The following TRAPPC10 variants were observed in gnomAD, a reference collection of about 807,000 sequenced individuals.
The protein encoded by TRAPPC10 is trafficking protein particle complex subunit 10.
TRAPPC10 carries 23 observed loss-of-function variants against 125.5 expected under a neutral mutation model. The ratio of observed to expected loss-of-function variants is 0.18; its 90% CI spans 0.13 to 0.26. The LOEUF (loss-of-function observed/expected upper bound fraction) is 0.26, where lower values mean the gene tolerates loss of function less well. Among genes scored for constraint, TRAPPC10 ranks in the 10% least tolerant of loss-of-function variants. The pLI, the probability that TRAPPC10 is intolerant of heterozygous loss-of-function variation, is 1.00. For missense variants in TRAPPC10, 1,123 were observed against 1,308.4 expected (o/e 0.86, Z 2.19); for synonymous variants, 509 against 518.0 (o/e 0.98, Z 0.24).
intron 1 of TRAPPC10, among the ~76,000 whole-genome samples, chr21:44,022,778 A>C (rs1186853586): frequency 6.6e-6 from 1 of 150,798 alleles, no homozygotes; most frequent in Admixed American, 6.6e-5. Context: ...TTTTCTTTAT[A>C]ACTTGATGAA....
At chr21:44,064,328 TGTGTGTGTGTGA>T (rs2036279112) in intron 7 of TRAPPC10, among the ~76,000 whole-genome samples, 3 of 118,596 alleles carry the variant, frequency 2.5e-5, no homozygotes, top group Admixed American at 8.3e-5. Flanking sequence ...TGTGTGTGTG[TGTGTGTGTGTGA>T]GTGTGAGAAT....
chr21:44,077,832 C>T (rs369201029), intron 11 of TRAPPC10, 48 bp downstream of exon 11: 14 of 1,409,178 alleles, frequency 9.9e-6, no homozygotes, highest in East Asian at 4.7e-5. Context: ...ACAAATAACA[C>T]GAGAAGATTT....
At chr21:44,024,076 G>T (rs900821227) in intron 1 of TRAPPC10, among the ~76,000 whole-genome samples, 3 of 152,204 alleles carry the variant, frequency 2.0e-5, no homozygotes, top group African/African-American at 4.8e-5. Flanking sequence ...GTGAGCCACC[G>T]CACCAGCCTA....
At position 44,089,619 on chromosome 21, in the gene TRAPPC10, G is replaced by A. The variant is rs145857011; in HGVS notation, c.2770-214G>A. On this transcript the variant is annotated intron_variant, in intron 17 of 22. Transcript: ENST00000291574. Reference sequence around the variant, plus strand: ...TGTGTGCATGTCTTGCCAGTTCTGCGTTCGTTTCTCTTGTCTGTATGCATA... The same window carrying A: ...TGTGTGCATGTCTTGCCAGTTCTGCATTCGTTTCTCTTGTCTGTATGCATA... 366 of 582,008 alleles carry A rather than the reference G, an allele frequency of 6.3e-4. 2 individuals are homozygous for A. The highest frequency in any genetic ancestry group is 5.7e-3 in the African/African-American group (309 of 54,250). The allele number at this position is 582,008 out of a possible 1,614,324, so 36.1% of individuals were successfully genotyped here. A position where few individuals can be genotyped will look rare whatever the true frequency, so the allele number is the denominator to read the frequency against.
intron 13 of TRAPPC10, among the ~76,000 whole-genome samples, chr21:44,081,181 A>T (rs1446603329): frequency 6.6e-6 from 1 of 150,552 alleles, no homozygotes. Flanking sequence ...ACACCCAGCT[A>T]TTTTTTTTCT....
At chr21:44,029,735 G>T (rs936732628) in intron 1 of TRAPPC10, among the ~76,000 whole-genome samples, 16 of 152,186 alleles carry the variant, frequency 1.1e-4, no homozygotes, top group African/African-American at 3.9e-4. Context: ...GCCTTCCTGC[G>T]TTCCTTCTGT....
At chr21:44,046,890 C>T (rs926524252) in intron 3 of TRAPPC10, 18 of 816,422 alleles carry the variant, frequency 2.2e-5, no homozygotes, top group East Asian at 1.4e-4. Flanking sequence ...TTGTACACAG[C>T]GGCAGTCGCG....
At chr21:44,030,421 G>A (rs931528722) in intron 1 of TRAPPC10, among the ~76,000 whole-genome samples, 1 of 152,064 alleles carries the variant, frequency 6.6e-6, no homozygotes, top group African/African-American at 2.4e-5. Context: ...AGAAACCAGA[G>A]GCTAACTAAA....
intron 3 of TRAPPC10, among the ~76,000 whole-genome samples, chr21:44,044,442 T>C (rs1272321122): frequency 6.6e-6 from 1 of 152,092 alleles, no homozygotes; most frequent in Non-Finnish European, 1.5e-5. Context: ...ATAGAGTACA[T>C]CTGTAACAGC....
Position 44,017,158 on chromosome 21 carries a change from A to G in TRAPPC10, c.67+4598A>G, listed in dbSNP as rs189369549. On this transcript the variant is annotated intron_variant, in intron 1 of 22. Coordinates refer to ENST00000291574, the MANE Select transcript of TRAPPC10 (RefSeq NM_003274.5). The stretch of plus-strand genomic sequence containing the variant: ...AACCAAAGATTGAAAAGTAGGAGAA[A>G]CATTCTTCTTAGGAAATCGCAGTTG... Among the ~76,000 whole-genome samples the G allele has an allele frequency of 1.5e-3, 230 of 152,342 alleles. 1 individual carries two copies. Among genetic ancestry groups the G allele is most frequent in the African/African-American group, 4.8e-3 (199 of 41,570 alleles).
At position 44,063,444 on chromosome 21, in the gene TRAPPC10, G is replaced by C. The variant is rs2036202074; in HGVS notation, c.791-94G>C. 1.3e-6 allele frequency: 2 copies of C among 1,529,768 alleles called. No individual in the cohort carries two copies. The highest frequency in any genetic ancestry group is 2.5e-5 in the South Asian group (2 of 79,624). The allele number at this position is 1,529,768 out of a possible 1,614,324, so 94.8% of individuals were successfully genotyped here. On this transcript the variant is annotated intron_variant, in intron 6 of 22. Coordinates refer to ENST00000291574, the MANE Select transcript of TRAPPC10 (RefSeq NM_003274.5). This position sits in a 1 kb window ranked among gnomAD's most constrained non-coding sequence, Gnocchi z 4.4. ...TGTTCATAGAAAAACTGGTTATGAA[G>C]CTGCCTGTTTGCCCACCATCCTCAG...
At chr21:44,018,719 G>A (rs1262292028) in intron 1 of TRAPPC10, among the ~76,000 whole-genome samples, 2 of 151,910 alleles carry the variant, frequency 1.3e-5, no homozygotes, top group Non-Finnish European at 2.9e-5. Flanking sequence ...AGTATGTCGG[G>A]CATAACACAT....
At chr21:44,016,933 G>C (rs1325428614) in intron 1 of TRAPPC10, among the ~76,000 whole-genome samples, 1 of 152,196 alleles carries the variant, frequency 6.6e-6, no homozygotes, top group African/African-American at 2.4e-5. Flanking sequence ...GGGATTATAG[G>C]CATGAGCCAC....
chr21:44,048,228 C>T (rs1375934850), intron 3 of TRAPPC10, among the ~76,000 whole-genome samples: 2 of 152,192 alleles, frequency 1.3e-5, no homozygotes, highest in African/African-American at 2.4e-5. Flanking sequence ...CCTCTCCTCT[C>T]CTAACACAGT....
chr21:44,069,650 G>A (rs971978994), intron 7 of TRAPPC10, among the ~76,000 whole-genome samples: 1 of 152,164 alleles, frequency 6.6e-6, no homozygotes, highest in African/African-American at 2.4e-5. Flanking sequence ...CACCCCTGGT[G>A]TGTACAGATA....
At position 44,032,088 on chromosome 21, in the gene TRAPPC10, T is replaced by C; in HGVS notation, c.68-3T>C. 1 of 1,611,606 alleles carries C rather than the reference T, an allele frequency of 6.2e-7. No individual in the cohort carries two copies. The highest frequency in any genetic ancestry group is 8.5e-7 in the Non-Finnish European group (1 of 1,178,776). On this transcript the variant is annotated splice_polypyrimidine_tract_variant and splice_region_variant and intron_variant, in intron 1 of 22. Coordinates refer to ENST00000291574, the MANE Select transcript of TRAPPC10 (RefSeq NM_003274.5). ...TAACTGAATTTCTTTCTTCCCTTCA[T>C]AGGTGCTGGAGATCAGAATTTATTT... is the stretch of plus-strand genomic sequence containing the variant.
intron 1 of TRAPPC10, among the ~76,000 whole-genome samples, chr21:44,025,833 TGTGTGTG>T (rs2033002559): frequency 1.8e-5 from 1 of 54,718 alleles, no homozygotes; most frequent in Non-Finnish European, 3.3e-5. Context: ...TGTGTGTGTG[TGTGTGTG>T]TGTGTGTGTG....
At chr21:44,021,486 A>G (rs1009101236) in intron 1 of TRAPPC10, among the ~76,000 whole-genome samples, 2 of 152,236 alleles carry the variant, frequency 1.3e-5, no homozygotes, top group African/African-American at 4.8e-5. Context: ...CAAAGTAGAC[A>G]GAATATTATA....
intron 17 of TRAPPC10, 175 bp from the exon 18 acceptor site, chr21:44,089,658 C>G: frequency 1.6e-6 from 1 of 628,386 alleles, no homozygotes; most frequent in Non-Finnish European, 3.0e-6. Context: ...TCCTGTTTCT[C>G]GTTGGTTTGT....
Sources: allele counts gnomAD v4.1 joint callset (sites outside exome capture counted in the v4.1 genomes callset), GRCh38; gene constraint gnomAD v4.1.1; non-coding constraint Gnocchi (gnomAD v3.1); transcripts MANE v1.5; gene names NCBI Gene and HGNC (gene_info 2026-07-23, HGNC 2026-07-21).